CCAR1: variants seen among roughly 807,000 people sequenced by gnomAD.
The protein encoded by CCAR1 is cell division cycle and apoptosis regulator protein 1.
CCAR1 carries 78 observed loss-of-function variants against 163.8 expected under a neutral mutation model. That is an observed-to-expected ratio of 0.48 (90% CI 0.40 to 0.57). The LOEUF (loss-of-function observed/expected upper bound fraction) is 0.57. Among genes scored for constraint, CCAR1 ranks in the 20% least tolerant of loss-of-function variants. The probability of loss-of-function intolerance (pLI) is 0.00; values close to 1 mark genes in which losing one functional copy is unlikely to be tolerated. For missense variants in CCAR1, 1,019 were observed against 1,365.2 expected, an observed-to-expected ratio of 0.75 and a Z score of 4.00; for synonymous variants, 443 against 460.7, an observed-to-expected ratio of 0.96 and a Z score of 0.49.
At chr10:68,764,947 T>A (rs2056518809) in intron 16 of CCAR1, among the ~76,000 whole-genome samples, 1 of 152,256 alleles carries the variant, frequency 6.6e-6, no homozygotes, top group Non-Finnish European at 1.5e-5. Context: ...TGTATGGGAT[T>A]TGACCTCAAT....
intron 10 of CCAR1, among the ~76,000 whole-genome samples, chr10:68,753,215 T>C (rs1441410976): frequency 1.3e-5 from 2 of 150,898 alleles, no homozygotes; most frequent in Non-Finnish European, 3.0e-5. Context: ...AATGATCCTT[T>C]AAAAAATCAG....
chr10:68,729,741 GTTT>G, intron 2 of CCAR1, among the ~76,000 whole-genome samples: 1 of 151,334 alleles, frequency 6.6e-6, no homozygotes, highest in Admixed American at 6.6e-5. Flanking sequence ...TCTTGGGTCA[GTTT>G]GAAATTTTGA....
intron 24 of CCAR1, among the ~76,000 whole-genome samples, chr10:68,790,586 T>G (rs185304068): frequency 6.6e-6 from 1 of 152,232 alleles, no homozygotes; most frequent in African/African-American, 2.4e-5. Context: ...GGTTTGTTAG[T>G]GGCGCTATCT....
At chr10:68,784,074 T>C (rs978498535) in intron 19 of CCAR1, among the ~76,000 whole-genome samples, 3 of 152,068 alleles carry the variant, frequency 2.0e-5, no homozygotes, top group African/African-American at 4.8e-5. Flanking sequence ...TTGCTTCTTA[T>C]GGATGAGCAA....
At chr10:68,761,656 G>A (rs1033196370) in intron 16 of CCAR1, among the ~76,000 whole-genome samples, 3 of 151,202 alleles carry the variant, frequency 2.0e-5, no homozygotes, top group Non-Finnish European at 4.4e-5. Context: ...AGGAGGGAGT[G>A]CAATGGCACG....
chr10:68,733,065 T>A lies in CCAR1; in HGVS notation c.74-3811T>A, dbSNP rs540812386. On this transcript the variant is annotated intron_variant, in intron 2 of 24. Transcript: ENST00000265872. ...TTTAAATTCACTTTGTTGGTCCTTG[T>A]TTTATCCTTTCTCCCTACCTATGAC... 4.6e-5 allele frequency among the ~76,000 whole-genome samples: 7 copies of A among 152,292 alleles called. No individual in the cohort carries two copies. In the East Asian group the frequency reaches 1.2e-3, roughly 25 times the overall value.
chr10:68,750,662 G>A (rs1314860133), intron 10 of CCAR1, among the ~76,000 whole-genome samples: 1 of 152,118 alleles, frequency 6.6e-6, no homozygotes, highest in Admixed American at 6.6e-5. Flanking sequence ...AATTAATGGT[G>A]GGTTATGGTC....
At chr10:68,737,146 T>C (rs1037346430) in intron 3 of CCAR1, 98 bp downstream of exon 3, 5 of 800,282 alleles carry the variant, frequency 6.2e-6, no homozygotes, top group Non-Finnish European at 8.1e-6. Flanking sequence ...TGAAGAATTA[T>C]GTGTTTTTAT....
At chr10:68,738,562 A>T (rs1351812301) in intron 4 of CCAR1, among the ~76,000 whole-genome samples, 2 of 152,188 alleles carry the variant, frequency 1.3e-5, no homozygotes, top group East Asian at 3.8e-4. Flanking sequence ...CCTTTTGCTG[A>T]TTGAAGCCTA....
intron 19 of CCAR1, among the ~76,000 whole-genome samples, chr10:68,778,427 T>C (rs2056694854): frequency 6.6e-6 from 1 of 152,156 alleles, no homozygotes; most frequent in Non-Finnish European, 1.5e-5. Flanking sequence ...ATGAAGTCTG[T>C]TCAAGTATCA....
rs1186341409 is a variant in CCAR1, at chr10:68,740,169, C to T, written c.292-460C>T. 3.9e-5 allele frequency among the ~76,000 whole-genome samples: 6 copies of T among 152,044 alleles called. 1 individual carries two copies. The highest frequency in any genetic ancestry group is 4.1e-4 in the South Asian group (2 of 4,822). On this transcript the variant is annotated intron_variant, in intron 4 of 24. Transcript: ENST00000265872. ...GTCATTTCTGTAGCATGGTAATCTT[C>T]GCTTTTAGAGATTTGTGGGGTTTTA...
At chr10:68,766,155 A>G in intron 17 of CCAR1, 76 bp downstream of exon 17, 2 of 916,266 alleles carry the variant, frequency 2.2e-6, no homozygotes, top group Non-Finnish European at 3.3e-6. Context: ...CTATCTCTGA[A>G]ATCTTTTTTC....
At chr10:68,728,358 G>A (rs1296718610) in intron 2 of CCAR1, among the ~76,000 whole-genome samples, 1 of 150,918 alleles carries the variant, frequency 6.6e-6, no homozygotes, top group Non-Finnish European at 1.5e-5. Flanking sequence ...TAATCCTGGA[G>A]GTTTTTTTTT....
chr10:68,740,685 TTTTGG>T, intron 5 of CCAR1, 24 bp downstream of exon 5: 1 of 1,589,710 alleles, frequency 6.3e-7, no homozygotes. Context: ...ACTTTATTTG[TTTTGG>T]ATGTCTGAAT....
At chr10:68,781,993 G>C (rs1377601487) in intron 19 of CCAR1, among the ~76,000 whole-genome samples, 2 of 152,154 alleles carry the variant, frequency 1.3e-5, no homozygotes, top group African/African-American at 4.8e-5. Flanking sequence ...GCGTCAGTTA[G>C]CCATGTTGTG....
At chr10:68,726,825 G>A (rs35719047) in intron 2 of CCAR1, among the ~76,000 whole-genome samples, 14,918 of 151,092 alleles carry the variant, frequency 0.099, 913 homozygotes, top group South Asian at 0.16. Flanking sequence ...GTGAAACCCC[G>A]TCTCTACTAA....
chr10:68,766,752 C>T lies in CCAR1; in HGVS notation c.2298+673C>T, dbSNP rs370325978. Among the ~76,000 whole-genome samples the T allele has an allele frequency of 3.4e-5, 5 of 145,292 alleles. No individual in the cohort carries two copies. In the South Asian group the frequency reaches 1.1e-3, roughly 32 times the overall value. On this transcript the variant is annotated intron_variant, in intron 17 of 24. Transcript: ENST00000265872. The stretch of plus-strand genomic sequence containing the variant: ...TGTTGGTCACGCTGGTCTCGAACTC[C>T]AACCTCAGGTGATCTGCCCGCCTCA...
In CCAR1 at chr10:68,722,499, T is replaced by G. The variant is rs1184401520; in HGVS notation, c.-6T>G. 6.2e-7 allele frequency: 1 copy of G among 1,613,160 alleles called. No individual in the cohort carries two copies. The highest frequency in any genetic ancestry group is 8.5e-7 in the Non-Finnish European group (1 of 1,179,220). ...AACAAGGGAAGGTTTTTTTTCCTTT[T>G]GCATCATGGCTCAATTTGGAGGACA... On this transcript the variant is annotated 5_prime_UTR_variant, in exon 2 of 25. Transcript: ENST00000265872.
At chr10:68,742,276 A>G in intron 5 of CCAR1, 100 bp from the exon 6 acceptor site, 6 of 829,010 alleles carry the variant, frequency 7.2e-6, no homozygotes, top group Non-Finnish European at 1.1e-5. Context: ...CTAACATAAT[A>G]TGAAATTTTT....
Sources: gnomAD v4.1 joint callset for allele counts (sites outside exome capture counted in the v4.1 genomes callset) on GRCh38, gnomAD v4.1.1 for gene constraint, MANE v1.5 for transcripts, NCBI Gene and HGNC (gene_info 2026-07-23, HGNC 2026-07-21) for gene names.